SNX30: variants seen among roughly 807,000 people sequenced by gnomAD.
The protein encoded by SNX30 is sorting nexin family member 30.
SNX30 carries 24 observed loss-of-function variants against 46.4 expected under a neutral mutation model. That is an observed-to-expected ratio of 0.52 (90% confidence interval 0.37 to 0.73). The LOEUF (loss-of-function observed/expected upper bound fraction) is 0.73. Among genes scored for constraint, SNX30 ranks in the 30% least tolerant of loss-of-function variants. The pLI is 0.00. For missense variants in SNX30, 533 were observed against 555.7 expected (o/e 0.96, Z 0.41); for synonymous variants, 189 against 211.5 (o/e 0.89, Z 0.92).
intron 1 of SNX30, among the ~76,000 whole-genome samples, chr9:112,756,435 C>CT (rs61338659): frequency 0.011 from 712 of 67,432 alleles, 48 homozygotes; most frequent in Middle Eastern, 0.014. Context: ...TGTAATCATC[C>CT]TTTTTTTTTT....
chr9:112,856,244 G>A (rs1841125235), intron 7 of SNX30, among the ~76,000 whole-genome samples: 1 of 151,742 alleles, frequency 6.6e-6, no homozygotes, highest in Non-Finnish European at 1.5e-5. Context: ...TTAAATGGGT[G>A]GTGTCGGAGT....
chr9:112,759,528 G>C (rs1381910518), intron 1 of SNX30, among the ~76,000 whole-genome samples: 2 of 152,124 alleles, frequency 1.3e-5, no homozygotes, highest in Non-Finnish European at 2.9e-5. Flanking sequence ...AAGAGATCAA[G>C]ACCATCCTGG....
At chr9:112,853,589 C>T (rs1468384291) in intron 7 of SNX30, among the ~76,000 whole-genome samples, 2 of 152,158 alleles carry the variant, frequency 1.3e-5, no homozygotes, top group Admixed American at 1.3e-4. Flanking sequence ...TGCATTTAGC[C>T]AGCAAATGTA....
chr9:112,757,061 T>A (rs571882753), intron 1 of SNX30, among the ~76,000 whole-genome samples: 1 of 152,356 alleles, frequency 6.6e-6, no homozygotes, highest in South Asian at 2.1e-4. Context: ...TTAATAACTC[T>A]AGTCCTCATG....
chr9:112,847,468 G>A (rs1455406254), intron 6 of SNX30, among the ~76,000 whole-genome samples: 1 of 148,704 alleles, frequency 6.7e-6, no homozygotes, highest in Non-Finnish European at 1.5e-5. Flanking sequence ...TTTTTAAAAA[G>A]GACTACCTAA....
At chr9:112,811,830 C>T (rs921214346) in intron 2 of SNX30, among the ~76,000 whole-genome samples, 1 of 152,082 alleles carries the variant, frequency 6.6e-6, no homozygotes, top group African/African-American at 2.4e-5. Flanking sequence ...GCTTTTCGTT[C>T]TTTTAAAAAA....
At chr9:112,770,980 G>A (rs1839639250) in intron 1 of SNX30, among the ~76,000 whole-genome samples, 1 of 152,202 alleles carries the variant, frequency 6.6e-6, no homozygotes, top group Admixed American at 6.5e-5. Flanking sequence ...TGGTGACAGA[G>A]TGAGACTCTG....
intron 1 of SNX30, among the ~76,000 whole-genome samples, chr9:112,786,484 T>G (rs1245327198): frequency 1.3e-5 from 2 of 150,932 alleles, no homozygotes; most frequent in Non-Finnish European, 3.0e-5. Flanking sequence ...GCTGTAAGAG[T>G]TTTTTTTTCC....
chr9:112,865,564 T>G (rs1841311247), intron 8 of SNX30, among the ~76,000 whole-genome samples: 1 of 146,818 alleles, frequency 6.8e-6, no homozygotes, highest in South Asian at 2.2e-4. Flanking sequence ...CTACAGTGAG[T>G]CATGATTGTG....
At chr9:112,804,337 G>T (rs1840189314) in intron 1 of SNX30, among the ~76,000 whole-genome samples, 1 of 152,142 alleles carries the variant, frequency 6.6e-6, no homozygotes, top group African/African-American at 2.4e-5. Flanking sequence ...GCTAATTTTT[G>T]TATATTTAGT....
At chr9:112,806,176 C>T (rs1352266093) in intron 2 of SNX30, among the ~76,000 whole-genome samples, 1 of 152,040 alleles carries the variant, frequency 6.6e-6, no homozygotes, top group Non-Finnish European at 1.5e-5. Context: ...TCTCTTGGTC[C>T]CCAGTTGTGA....
intron 5 of SNX30, among the ~76,000 whole-genome samples, chr9:112,838,049 C>G (rs1339012273): frequency 1.3e-5 from 2 of 151,546 alleles, no homozygotes; most frequent in Non-Finnish European, 2.9e-5. Flanking sequence ...TGCCACCACA[C>G]CCGGCTAATT....
intron 1 of SNX30, among the ~76,000 whole-genome samples, chr9:112,797,165 CCTT>C (rs1437067551): frequency 1.3e-5 from 2 of 152,174 alleles, no homozygotes; most frequent in Non-Finnish European, 2.9e-5. Flanking sequence ...ACTAACTAGG[CCTT>C]CTTAGTTTCA....
intron 7 of SNX30, among the ~76,000 whole-genome samples, chr9:112,853,502 A>G (rs1335755330): frequency 6.6e-6 from 1 of 152,216 alleles, no homozygotes; most frequent in Admixed American, 6.5e-5. Flanking sequence ...ATTTGTGTAT[A>G]TTTTTAAAGT....
chr9:112,783,781 C>T (rs1839880573), intron 1 of SNX30, among the ~76,000 whole-genome samples: 1 of 152,202 alleles, frequency 6.6e-6, no homozygotes, highest in Admixed American at 6.5e-5. Flanking sequence ...AGTTTCTGTG[C>T]TGAGGGCTGC....
chr9:112,761,766 C>G (rs1839440516), intron 1 of SNX30, among the ~76,000 whole-genome samples: 1 of 152,082 alleles, frequency 6.6e-6, no homozygotes, highest in Non-Finnish European at 1.5e-5. Flanking sequence ...GCATTCAGGA[C>G]AGAGGATGCC....
intron 1 of SNX30, among the ~76,000 whole-genome samples, chr9:112,791,984 C>T (rs915386175): frequency 6.6e-6 from 1 of 151,928 alleles, no homozygotes; most frequent in African/African-American, 2.4e-5. Flanking sequence ...TTTTAGTGTA[C>T]TGTTAGTTGT....
At chr9:112,864,855 T>C (rs989679139) in intron 8 of SNX30, among the ~76,000 whole-genome samples, 58 of 152,226 alleles carry the variant, frequency 3.8e-4, no homozygotes, top group African/African-American at 1.4e-3. Flanking sequence ...ATTTGTTTTT[T>C]AAATAGACTT....
chr9:112,848,122 CT>C (rs1349076385), intron 6 of SNX30, among the ~76,000 whole-genome samples: 1 of 151,996 alleles, frequency 6.6e-6, no homozygotes, highest in Non-Finnish European at 1.5e-5. Flanking sequence ...TGCCCTTCGC[CT>C]TTTTGATGTG....
Sources: allele counts gnomAD v4.1 joint callset (sites outside exome capture counted in the v4.1 genomes callset), GRCh38; gene constraint gnomAD v4.1.1; transcripts MANE v1.5; gene names NCBI Gene and HGNC (gene_info 2026-07-23, HGNC 2026-07-21).